The following KCNMA1 variants were observed in gnomAD, a reference collection of about 807,000 sequenced individuals.
KCNMA1 encodes Calcium-activated potassium channel subunit alpha-1.
In KCNMA1, 29 loss-of-function variants were observed where a neutral mutation model predicts 140.0. The observed-to-expected ratio is 0.21, with a 90% CI of 0.15 to 0.28. The LOEUF (loss-of-function observed/expected upper bound fraction) is 0.28. KCNMA1 is among the 10% of genes least tolerant of loss of function. The probability of loss-of-function intolerance (pLI) is 1.00; values close to 1 mark genes in which losing one functional copy is unlikely to be tolerated. For synonymous variants in KCNMA1, 612 were observed against 611.9 expected (o/e 1.00, Z 0.00); for missense variants, 880 against 1,602.2 (o/e 0.55, Z 7.70).
intron 1 of KCNMA1, among the ~76,000 whole-genome samples, chr10:77,502,114 AT>A (rs1314459032): frequency 6.6e-6 from 1 of 152,150 alleles, no homozygotes; most frequent in Non-Finnish European, 1.5e-5. Flanking sequence ...AACAGCAAGA[AT>A]GGAAAAGAAA....
At chr10:77,287,583 CCTT>C (rs1486309118) in intron 2 of KCNMA1, among the ~76,000 whole-genome samples, 1 of 152,204 alleles carries the variant, frequency 6.6e-6, no homozygotes, top group Non-Finnish European at 1.5e-5. Context: ...ACTCTAAACA[CCTT>C]CTGAGCATCT....
chr10:77,093,076 C>T (rs1427942618), intron 9 of KCNMA1, among the ~76,000 whole-genome samples: 1 of 152,146 alleles, frequency 6.6e-6, no homozygotes, highest in Non-Finnish European at 1.5e-5. Context: ...AAGAAGTAGA[C>T]AAATGCTGGC....
intron 14 of KCNMA1, among the ~76,000 whole-genome samples, chr10:77,067,474 T>C (rs1384391050): frequency 7.5e-6 from 1 of 133,650 alleles, no homozygotes; most frequent in Non-Finnish European, 1.8e-5. Flanking sequence ...ATAATCAACA[T>C]CTCTCTCTCT....
At chr10:77,214,062 C>A (rs531001984) in intron 3 of KCNMA1, among the ~76,000 whole-genome samples, 2 of 152,272 alleles carry the variant, frequency 1.3e-5, no homozygotes, top group African/African-American at 2.4e-5. Context: ...ATAACAGAAG[C>A]CCTCAGCCCT....
chr10:77,044,197 A>G (rs1166050217), intron 14 of KCNMA1, among the ~76,000 whole-genome samples: 1 of 152,212 alleles, frequency 6.6e-6, no homozygotes, highest in African/African-American at 2.4e-5. Context: ...ACTCAGCAAC[A>G]GAACTTCAGT....
At chr10:77,326,178 A>C (rs1400812835) in intron 2 of KCNMA1, among the ~76,000 whole-genome samples, 1 of 152,042 alleles carries the variant, frequency 6.6e-6, no homozygotes, top group African/African-American at 2.4e-5. Flanking sequence ...CTCACTGCAA[A>C]AATCCTTCAG....
At chr10:77,382,992 G>GTATATA (rs1227873900) in intron 2 of KCNMA1, among the ~76,000 whole-genome samples, 1 of 44,484 alleles carries the variant, frequency 2.2e-5, no homozygotes, top group Non-Finnish European at 3.8e-5. Context: ...GTGTGTGTGT[G>GTATATA]TGTATATATA....
chr10:77,424,681 C>T (rs1320002573), intron 1 of KCNMA1, among the ~76,000 whole-genome samples: 1 of 152,028 alleles, frequency 6.6e-6, no homozygotes, highest in Non-Finnish European at 1.5e-5. Context: ...GAATATGACA[C>T]CAGGGAGGAA....
chr10:77,129,808 A>G (rs2097819617), intron 5 of KCNMA1, among the ~76,000 whole-genome samples: 1 of 152,142 alleles, frequency 6.6e-6, no homozygotes, highest in South Asian at 2.1e-4. Flanking sequence ...AAAATTATCC[A>G]CAATGATATT....
At chr10:77,182,275 T>C (rs2098809133) in intron 5 of KCNMA1, among the ~76,000 whole-genome samples, 1 of 152,190 alleles carries the variant, frequency 6.6e-6, no homozygotes, top group South Asian at 2.1e-4. Flanking sequence ...AACATTCAGG[T>C]GGTCTATCAT....
At chr10:77,102,584 G>T (rs984040572) in intron 9 of KCNMA1, among the ~76,000 whole-genome samples, 8 of 152,202 alleles carry the variant, frequency 5.3e-5, no homozygotes, top group Non-Finnish European at 1.0e-4. Context: ...TTCCTCTAGT[G>T]GAGGTAGAAC....
chr10:77,177,490 C>CTTTCT (rs3068682), intron 5 of KCNMA1, among the ~76,000 whole-genome samples: 49,549 of 146,440 alleles, frequency 0.34, 8,684 homozygotes, highest in African/African-American at 0.37. Context: ...TTCTGACTTT[C>CTTTCT]TTTCTTTTCT....
chr10:77,083,459 A>G (rs2153748800), intron 12 of KCNMA1, among the ~76,000 whole-genome samples: 1 of 148,972 alleles, frequency 6.7e-6, no homozygotes, highest in South Asian at 2.2e-4. Context: ...CACAAAAAGC[A>G]CTGCACAGTG....
At chr10:77,075,310 C>G (rs1050635322) in intron 13 of KCNMA1, among the ~76,000 whole-genome samples, 24 of 152,334 alleles carry the variant, frequency 1.6e-4, no homozygotes, top group African/African-American at 5.5e-4. Flanking sequence ...TCGTAGAGAA[C>G]ACATTGGTAT....
chr10:77,098,173 A>C (rs892578539), intron 9 of KCNMA1, among the ~76,000 whole-genome samples: 5 of 152,182 alleles, frequency 3.3e-5, no homozygotes, highest in African/African-American at 1.2e-4. Flanking sequence ...TGTAGCCTAC[A>C]TGGAGCCTCA....
intron 14 of KCNMA1, among the ~76,000 whole-genome samples, chr10:77,064,498 C>T (rs1159001970): frequency 1.3e-5 from 2 of 152,114 alleles, no homozygotes; most frequent in Non-Finnish European, 2.9e-5. Flanking sequence ...ATAATGTTTG[C>T]CTTGAGAATT....
At chr10:77,490,752 T>A (rs1286296282) in intron 1 of KCNMA1, among the ~76,000 whole-genome samples, 1 of 152,040 alleles carries the variant, frequency 6.6e-6, no homozygotes, top group Non-Finnish European at 1.5e-5. Flanking sequence ...CTCACAGGAG[T>A]AGGGAAATTC....
At chr10:77,266,976 A>T (rs1343870401) in intron 2 of KCNMA1, among the ~76,000 whole-genome samples, 1 of 152,194 alleles carries the variant, frequency 6.6e-6, no homozygotes, top group Admixed American at 6.5e-5. Context: ...GTAGGGACAG[A>T]CACTCAACAA....
chr10:77,233,065 G>C (rs900681483), intron 3 of KCNMA1, among the ~76,000 whole-genome samples: 2 of 152,034 alleles, frequency 1.3e-5, no homozygotes, highest in Non-Finnish European at 2.9e-5. Context: ...GTTTAAAAAA[G>C]AAATTTGTAG....
Sources: gnomAD v4.1 joint callset for allele counts (sites outside exome capture counted in the v4.1 genomes callset) on GRCh38, gnomAD v4.1.1 for gene constraint, MANE v1.5 for transcripts, NCBI Gene and HGNC (gene_info 2026-07-23, HGNC 2026-07-21) for gene names.